The following GIPC2 variants were observed in gnomAD, a reference collection of about 807,000 sequenced individuals.
GIPC2 encodes the protein GIPC PDZ domain containing family member 2.
Under a neutral mutation model 30.6 loss-of-function variants are expected in GIPC2, and 30 were observed. The observed-to-expected ratio is 0.98, with a 90% CI of 0.73 to 1.33. The LOEUF (loss-of-function observed/expected upper bound fraction) is 1.33, where lower values mean the gene tolerates loss of function less well. Among genes scored for constraint, GIPC2 ranks in the 40% most tolerant of loss-of-function variants. The probability of loss-of-function intolerance (pLI) is 0.00; values close to 1 mark genes in which losing one functional copy is unlikely to be tolerated. For synonymous variants in GIPC2, 167 were observed against 150.0 expected (o/e 1.11, Z -0.83); for missense variants, 414 against 390.3 (o/e 1.06, Z -0.51).
chr1:78,091,589 A>G (rs1359749648), intron 2 of GIPC2: 5 of 762,278 alleles, frequency 6.6e-6, no homozygotes, highest in Non-Finnish European at 1.2e-5. Context: ...GTCCTTCGCG[A>G]TCTTCTTCGG....
At chr1:78,106,289 G>T (rs946248174) in intron 3 of GIPC2, among the ~76,000 whole-genome samples, 1 of 150,964 alleles carries the variant, frequency 6.6e-6, no homozygotes, top group Non-Finnish European at 1.5e-5. Context: ...GCAGGGTGTG[G>T]TGGCTCACGC....
chr1:78,089,493 A>G (rs1220934821), intron 2 of GIPC2, among the ~76,000 whole-genome samples: 3 of 152,160 alleles, frequency 2.0e-5, no homozygotes, highest in Non-Finnish European at 4.4e-5. Flanking sequence ...ATAGTTTTGT[A>G]TGGTTCACAC....
chr1:78,119,548 G>T, intron 4 of GIPC2, 49 bp downstream of exon 4: 1 of 1,160,324 alleles, frequency 8.6e-7, no homozygotes, highest in Non-Finnish European at 1.3e-6. Flanking sequence ...TGTTGAGTTA[G>T]ATAAAATTCC....
intron 2 of GIPC2, among the ~76,000 whole-genome samples, chr1:78,094,581 G>A (rs1237946866): frequency 6.6e-6 from 1 of 152,116 alleles, no homozygotes; most frequent in Non-Finnish European, 1.5e-5. Context: ...ACCCATTCTT[G>A]GTGGAGTGGG....
Position 78,135,811 on chromosome 1 carries a change from A to G in GIPC2, c.*68A>G. On this transcript the variant is annotated 3_prime_UTR_variant, in exon 6 of 6. Coordinates refer to ENST00000370759, the MANE Select transcript of GIPC2 (RefSeq NM_017655.6). Reference sequence around the variant, plus strand: ...TTTTCTCTTTTTTAAAAAGTCCTATAAGATCTGTTTTTGGACACCTTTACT... The same window carrying G: ...TTTTCTCTTTTTTAAAAAGTCCTATGAGATCTGTTTTTGGACACCTTTACT... 3 of 1,349,976 alleles carry G rather than the reference A, an allele frequency of 2.2e-6. No homozygotes were observed. Among genetic ancestry groups the G allele is most frequent in the Admixed American group, 2.1e-5 (1 of 47,006 alleles). The allele number at this position is 1,349,976 out of a possible 1,614,324, so 83.6% of individuals were successfully genotyped here.
At chr1:78,131,613 AAG>A (rs1304070399) in intron 5 of GIPC2, among the ~76,000 whole-genome samples, 1 of 152,232 alleles carries the variant, frequency 6.6e-6, no homozygotes, top group Non-Finnish European at 1.5e-5. Context: ...CCTTTATAAA[AAG>A]TGTTTTATTT....
At chr1:78,075,250 G>A (rs2100334668) in intron 1 of GIPC2, among the ~76,000 whole-genome samples, 1 of 152,308 alleles carries the variant, frequency 6.6e-6, no homozygotes, top group South Asian at 2.1e-4. Flanking sequence ...AGGCCCACAA[G>A]TTTGAGACTA....
At chr1:78,079,463 ATG>A (rs949939173) in intron 1 of GIPC2, among the ~76,000 whole-genome samples, 22 of 152,258 alleles carry the variant, frequency 1.4e-4, no homozygotes, top group African/African-American at 5.1e-4. Flanking sequence ...CAGGTTATGG[ATG>A]TGTTAAGGCT....
chr1:78,087,598 C>T (rs562656718), intron 2 of GIPC2, among the ~76,000 whole-genome samples: 2 of 152,186 alleles, frequency 1.3e-5, no homozygotes, highest in Middle Eastern at 6.8e-3. Context: ...CCTCCTTACA[C>T]CATATACAAT....
intron 1 of GIPC2, among the ~76,000 whole-genome samples, chr1:78,077,126 T>C (rs1661731438): frequency 6.6e-6 from 1 of 152,108 alleles, no homozygotes; most frequent in Non-Finnish European, 1.5e-5. Context: ...TTGTAACCAC[T>C]AGCCGAATTT....
At chr1:78,083,910 C>G (rs191595924) in intron 2 of GIPC2, among the ~76,000 whole-genome samples, 23 of 152,274 alleles carry the variant, frequency 1.5e-4, no homozygotes, top group Admixed American at 1.4e-3. Context: ...CTCCTTTTCC[C>G]CTGACCTAGA....
At chr1:78,058,367 T>G (rs2102639354) in intron 1 of GIPC2, among the ~76,000 whole-genome samples, 1 of 152,340 alleles carries the variant, frequency 6.6e-6, no homozygotes, top group Admixed American at 6.5e-5. Flanking sequence ...GTCTTTATTG[T>G]ATTCTAACTT....
At chr1:78,064,742 C>CTTT (rs11327469) in intron 1 of GIPC2, among the ~76,000 whole-genome samples, 14 of 106,708 alleles carry the variant, frequency 1.3e-4, no homozygotes, top group East Asian at 2.6e-4. Flanking sequence ...CTCATGCAAC[C>CTTT]TTTTTTTTTT....
intron 3 of GIPC2, among the ~76,000 whole-genome samples, chr1:78,098,290 T>C (rs1392432206): frequency 6.6e-6 from 1 of 152,208 alleles, no homozygotes; most frequent in Non-Finnish European, 1.5e-5. Flanking sequence ...CATCCAACTT[T>C]CTTTCAGAGA....
intron 1 of GIPC2, among the ~76,000 whole-genome samples, chr1:78,063,786 G>A (rs1429038798): frequency 2.0e-5 from 3 of 151,628 alleles, no homozygotes; most frequent in Non-Finnish European, 2.9e-5. Context: ...CAGCTACTCA[G>A]GAGGCTGAGA....
intron 3 of GIPC2, among the ~76,000 whole-genome samples, chr1:78,096,494 T>G (rs1662139694): frequency 1.3e-5 from 2 of 151,444 alleles, no homozygotes; most frequent in African/African-American, 4.9e-5. Context: ...TTTTTCTGTT[T>G]TTTTTTTTTT....
chr1:78,123,706 G>T (rs1662727333), intron 4 of GIPC2, among the ~76,000 whole-genome samples: 1 of 152,204 alleles, frequency 6.6e-6, no homozygotes, highest in Non-Finnish European at 1.5e-5. Flanking sequence ...GATAGATCCA[G>T]ATCTGTTCCG....
rs1190341086 is a variant in GIPC2, at chr1:78,049,646, A to G, written c.240+3312A>G. Among the ~76,000 whole-genome samples the G allele has an allele frequency of 2.0e-5, 3 of 152,330 alleles. No individual in the cohort carries two copies. The East Asian group carries it at 5.8e-4, about 29-fold the overall frequency. On this transcript the variant is annotated intron_variant, in intron 1 of 5. Coordinates refer to ENST00000370759, the MANE Select transcript of GIPC2 (RefSeq NM_017655.6). ...AAAGACTTGATGTCAAGTGGAGCAGATAATCAGGGCCCATAATGTGCCCAC... is the reference window on the plus strand; with the variant it reads ...AAAGACTTGATGTCAAGTGGAGCAGGTAATCAGGGCCCATAATGTGCCCAC...
rs1571527890 is a variant in GIPC2, at chr1:78,125,803, C to T, written c.715-78C>T. 11 of 760,046 alleles carry T rather than the reference C, an allele frequency of 1.4e-5. No homozygotes were observed. In the East Asian group the frequency reaches 2.9e-4, roughly 20 times the overall value. 47.1% of individuals were successfully genotyped at this position (760,046 alleles called of 1,614,324 possible). On this transcript the variant is annotated intron_variant, in intron 4 of 5. Coordinates refer to ENST00000370759, the MANE Select transcript of GIPC2 (RefSeq NM_017655.6). ...ACACAATTATGAACCGGCTCCACAT[C>T]AGGCTTTCTCTTGTGTATGCCCTGA...
Sources: allele counts gnomAD v4.1 joint callset (sites outside exome capture counted in the v4.1 genomes callset), GRCh38; gene constraint gnomAD v4.1.1; transcripts MANE v1.5; gene names NCBI Gene and HGNC (gene_info 2026-07-23, HGNC 2026-07-21).